The following RASAL1 variants were observed in gnomAD, a reference collection of about 807,000 sequenced individuals.
RASAL1 encodes RAS protein activator like 1.
RASAL1 carries 72 observed loss-of-function variants against 96.6 expected under a neutral mutation model. The observed-to-expected ratio is 0.75, with a 90% CI of 0.62 to 0.91. The LOEUF (loss-of-function observed/expected upper bound fraction) is 0.91, where lower values mean the gene tolerates loss of function less well. Ranked by LOEUF, RASAL1 falls within the 40% of genes least tolerant of loss-of-function variation. The pLI is 0.00. For synonymous variants in RASAL1, 405 were observed against 430.4 expected, an observed-to-expected ratio of 0.94 and a Z score of 0.73; for missense variants, 1,016 against 1,072.5, an observed-to-expected ratio of 0.95 and a Z score of 0.74.
intron 8 of RASAL1, among the ~76,000 whole-genome samples, 158 bp from the exon 9 acceptor site, chr12:113,116,209 A>C (rs1350442243): frequency 6.6e-6 from 1 of 152,144 alleles, no homozygotes; most frequent in African/African-American, 2.4e-5. Context: ...ATCTCTACTA[A>C]AAATACAAAA....
intron 18 of RASAL1, 23 bp downstream of exon 18, chr12:113,103,923 T>G (rs1199397800): frequency 1.3e-6 from 2 of 1,546,016 alleles, no homozygotes; most frequent in Non-Finnish European, 1.7e-6. Flanking sequence ...GGGCGGAGCC[T>G]GCAGTCCGCC....
Position 113,128,190 on chromosome 12 carries a change from G to A in RASAL1, c.123-12C>T. The A allele has an allele frequency of 1.3e-6, 2 of 1,598,806 alleles. No homozygotes were observed. The highest frequency in any genetic ancestry group is 1.7e-6 in the Non-Finnish European group (2 of 1,167,710). On this transcript the variant is annotated splice_polypyrimidine_tract_variant and intron_variant, in intron 2 of 20. Coordinates refer to ENST00000548055, the MANE Select transcript of RASAL1 (RefSeq NM_001301202.2). ...AGACAGTAGCTGTCCTGCAAAAGGA[G>A]GTGCAGGGGGCTGGGGTCCTCGGGC...
Position 113,115,852 on chromosome 12 carries a change from A to T in RASAL1, c.850-64T>A. ...GGGACCCCAAAGCAGATGGGCCTAG[A>T]TAGGGCTCCGTGAGGCAGGGGGAGG... is the stretch of plus-strand genomic sequence containing the variant. On this transcript the variant is annotated intron_variant, in intron 9 of 20. Transcript: ENST00000548055. The surrounding 1 kb of genome is among the most constrained non-coding windows in gnomAD (Gnocchi z 4.1). 6.2e-7 allele frequency: 1 copy of T among 1,600,320 alleles called. No individual in the cohort carries two copies. Among genetic ancestry groups the T allele is most frequent in the South Asian group, 1.1e-5 (1 of 89,858 alleles).
intron 1 of RASAL1, among the ~76,000 whole-genome samples, chr12:113,132,997 T>C (rs1398235101): frequency 6.6e-6 from 1 of 152,130 alleles, no homozygotes; most frequent in Non-Finnish European, 1.5e-5. Context: ...CTTCCCTGGG[T>C]TCTCCACCCC....
chr12:113,129,053 G>C lies in RASAL1; in HGVS notation c.123-875C>G, dbSNP rs1253969499. Among the ~76,000 whole-genome samples the C allele has an allele frequency of 6.6e-6, 1 of 151,858 alleles. No homozygotes were observed. The highest frequency in any genetic ancestry group is 1.5e-5 in the Non-Finnish European group (1 of 67,990). On this transcript the variant is annotated intron_variant, in intron 2 of 20. Transcript: ENST00000548055. The surrounding 1 kb of genome is among the most constrained non-coding windows in gnomAD (Gnocchi z 5.0). ...CGTTTACTCCATAAACATTCACTTG[G>C]ACTATGGGCCCAGCCTGTGCTGGGC... is the stretch of plus-strand genomic sequence containing the variant.
intron 13 of RASAL1, among the ~76,000 whole-genome samples, 189 bp from the exon 14 acceptor site, chr12:113,108,411 A>G (rs953098891): frequency 4.6e-5 from 7 of 152,228 alleles, no homozygotes; most frequent in African/African-American, 1.7e-4. Flanking sequence ...GGAAAATGGA[A>G]TAACAAAACC....
At chr12:113,128,942 CACACACAGTCATACAA>C (rs1471863928) in intron 2 of RASAL1, among the ~76,000 whole-genome samples, 1 of 151,732 alleles carries the variant, frequency 6.6e-6, no homozygotes, top group East Asian at 1.9e-4. Context: ...CATAGAGACA[CACACACAGTCATACAA>C]ACACACAGTC....
At chr12:113,126,533 T>G (rs1265304800) in intron 4 of RASAL1, among the ~76,000 whole-genome samples, 1 of 151,992 alleles carries the variant, frequency 6.6e-6, no homozygotes, top group African/African-American at 2.4e-5. Flanking sequence ...AATACAAAAA[T>G]TAGCCAGGTG....
rs1410222887 is a variant in RASAL1 at position 113,119,778 on chromosome 12, A to T, written c.429-335T>A. Among the ~76,000 whole-genome samples the T allele has an allele frequency of 2.6e-5, 4 of 152,184 alleles. No homozygotes were observed. In the East Asian group the frequency reaches 7.7e-4, roughly 29 times the overall value. On this transcript the variant is annotated intron_variant, in intron 5 of 20. Transcript: ENST00000548055. ...ATTCTCTGGAGGCCCCAGATGGGAA[A>T]CTTGATGCAAAGGTTCAAAGCCTGG... is the stretch of plus-strand genomic sequence containing the variant.
intron 14 of RASAL1, 98 bp from the exon 15 acceptor site, chr12:113,107,339 A>T: frequency 7.3e-7 from 1 of 1,369,226 alleles, no homozygotes; most frequent in East Asian, 2.6e-5. Context: ...GAAGACTCAT[A>T]TTGCCGGGCA....
Position 113,135,579 on chromosome 12 carries a change from G to T in RASAL1, c.-117C>A, listed in dbSNP as rs1951883661. On this transcript the variant is annotated 5_prime_UTR_variant, in exon 1 of 21. Coordinates refer to ENST00000548055, the MANE Select transcript of RASAL1 (RefSeq NM_001301202.2). This position sits in a 1 kb window ranked among gnomAD's most constrained non-coding sequence, Gnocchi z 5.7. ...CTCCCTGCCTCGTGGTCCCAGTGCCGCCTGTCCGAGACCCGGGTAGCTGGA... is the reference window on the plus strand; with the variant it reads ...CTCCCTGCCTCGTGGTCCCAGTGCCTCCTGTCCGAGACCCGGGTAGCTGGA... 2 of 837,214 alleles carry T rather than the reference G, an allele frequency of 2.4e-6. No homozygotes were observed. The highest frequency in any genetic ancestry group is 1.7e-5 in the African/African-American group (1 of 58,872). 51.9% of individuals were successfully genotyped at this position (837,214 alleles called of 1,614,324 possible).
At chr12:113,116,535 C>A (rs1211880236) in intron 8 of RASAL1, among the ~76,000 whole-genome samples, 2 of 152,072 alleles carry the variant, frequency 1.3e-5, no homozygotes, top group Non-Finnish European at 2.9e-5. Flanking sequence ...CAGGTATGAA[C>A]AGGGGTAGGC....
At chr12:113,120,229 G>A (rs905108129) in intron 5 of RASAL1, among the ~76,000 whole-genome samples, 9 of 152,084 alleles carry the variant, frequency 5.9e-5, no homozygotes, top group African/African-American at 1.9e-4. Context: ...AGCCTTCTTC[G>A]GTTTCCTAGG....
chr12:113,116,197 C>G, intron 8 of RASAL1, 146 bp from the exon 9 acceptor site: 1 of 564,208 alleles, frequency 1.8e-6, no homozygotes, highest in South Asian at 2.8e-5. Flanking sequence ...TGGTGAAGCC[C>G]CATCTCTACT....
chr12:113,119,729 G>GGGA (rs1951219183), intron 5 of RASAL1, among the ~76,000 whole-genome samples: 1 of 152,136 alleles, frequency 6.6e-6, no homozygotes, highest in South Asian at 2.1e-4. Context: ...AAGTGCAGCA[G>GGGA]GGAGGGGGAA....
At chr12:113,120,099 C>G (rs541275038) in intron 5 of RASAL1, among the ~76,000 whole-genome samples, 7 of 152,258 alleles carry the variant, frequency 4.6e-5, no homozygotes, top group African/African-American at 1.7e-4. Flanking sequence ...CTCCAGGCAG[C>G]TTCCCCATCC....
rs1950722650 is a variant in RASAL1, at chr12:113,108,268, CT to C, written c.1375-47del. 9 of 1,568,380 alleles carry C rather than the reference CT, an allele frequency of 5.7e-6. No individual in the cohort carries two copies. The East Asian group carries it at 2.1e-4, about 37-fold the overall frequency. On this transcript the variant is annotated intron_variant, in intron 13 of 20. Transcript: ENST00000548055. ...TAAGAGGAGCCCCCCAAACCCACTTCTCAGCTGCGTAAACTGAGGCAGCAAG... is the reference window on the plus strand; with the variant it reads ...TAAGAGGAGCCCCCCAAACCCACTTCCAGCTGCGTAAACTGAGGCAGCAAG...
At chr12:113,114,107 G>A (rs1409127293) in intron 12 of RASAL1, among the ~76,000 whole-genome samples, 1 of 152,142 alleles carries the variant, frequency 6.6e-6, no homozygotes, top group Non-Finnish European at 1.5e-5. Context: ...GCTGGATAAG[G>A]GACATTTTAG....
intron 15 of RASAL1, among the ~76,000 whole-genome samples, chr12:113,106,611 C>T (rs1566039629): frequency 6.6e-6 from 1 of 152,174 alleles, no homozygotes; most frequent in Non-Finnish European, 1.5e-5. Context: ...ATCCTCAAGG[C>T]TCTCTAACTT....
Sources: gnomAD v4.1 joint callset for allele counts (sites outside exome capture counted in the v4.1 genomes callset) on GRCh38, gnomAD v4.1.1 for gene constraint, Gnocchi (gnomAD v3.1) non-coding constraint, MANE v1.5 for transcripts, NCBI Gene and HGNC (gene_info 2026-07-23, HGNC 2026-07-21) for gene names.